PCMT1: variants seen among roughly 807,000 people sequenced by gnomAD.
PCMT1 encodes the protein protein-L-isoaspartate(D-aspartate) O-methyltransferase.
In PCMT1, 9 loss-of-function variants were observed where a neutral mutation model predicts 29.2. That is an observed-to-expected ratio of 0.31 (90% CI 0.19 to 0.54). The LOEUF (loss-of-function observed/expected upper bound fraction) is 0.54. Ranked by LOEUF, PCMT1 falls within the 20% of genes least tolerant of loss-of-function variation. The probability of loss-of-function intolerance (pLI) is 0.95; values close to 1 mark genes in which losing one functional copy is unlikely to be tolerated. For synonymous variants in PCMT1, 98 were observed against 97.5 expected, an observed-to-expected ratio of 1.00 and a Z score of -0.03; for missense variants, 184 against 282.2, an observed-to-expected ratio of 0.65 and a Z score of 2.49.
chr6:149,785,509 C>G (rs900350087), intron 3 of PCMT1, among the ~76,000 whole-genome samples: 1 of 151,008 alleles, frequency 6.6e-6, no homozygotes, highest in Admixed American at 6.6e-5. Context: ...AGCAGATAAA[C>G]AAGTGAACAA....
At position 149,786,386 on chromosome 6, in the gene PCMT1, C is replaced by G. The variant is rs1352217282; in HGVS notation, c.193-3568C>G. Among the ~76,000 whole-genome samples the G allele has an allele frequency of 2.4e-4, 31 of 129,978 alleles. 4 individuals carry two copies. The highest frequency in any genetic ancestry group is 4.7e-4 in the Non-Finnish European group (29 of 61,800). The allele number at this position is 129,978 out of a possible 152,430, so 85.3% of individuals were successfully genotyped here. A position where few individuals can be genotyped will look rare whatever the true frequency, so the allele number is the denominator to read the frequency against. On this transcript the variant is annotated intron_variant, in intron 3 of 7. Coordinates refer to ENST00000464889, the MANE Select transcript of PCMT1 (RefSeq NM_001360452.2). ...GGGGGCTGACCCCCCCACCTCCCTC[C>G]CGGACGGGGTGGCTGGCCGGGCGGG...
chr6:149,788,609 G>C (rs1788220709), intron 3 of PCMT1, among the ~76,000 whole-genome samples: 1 of 152,176 alleles, frequency 6.6e-6, no homozygotes, highest in Admixed American at 6.5e-5. Context: ...CTTAGCAGAG[G>C]CATTTGATGT....
At position 149,771,048 on chromosome 6, in the gene PCMT1, C is replaced by T. The variant is rs1379531173; in HGVS notation, c.56-114C>T. The T allele has an allele frequency of 9.0e-6, 5 of 556,548 alleles. No individual in the cohort carries two copies. The East Asian group carries it at 1.3e-4, about 14-fold the overall frequency. The allele number at this position is 556,548 out of a possible 1,614,324, so 34.5% of individuals were successfully genotyped here. A position where few individuals can be genotyped will look rare whatever the true frequency, so the allele number is the denominator to read the frequency against. On this transcript the variant is annotated intron_variant, in intron 1 of 7. Transcript: ENST00000464889. Reference sequence around the variant, plus strand: ...GCCATTACCTGGGCCATTACAACAACTTCCAATCATTCTCTCTTCCAGTTC... The same window carrying T: ...GCCATTACCTGGGCCATTACAACAATTTCCAATCATTCTCTCTTCCAGTTC...
chr6:149,749,746 G>GGCGGCA lies in PCMT1; in HGVS notation c.-150_-145dup, dbSNP rs779954090. 13 of 1,544,756 alleles carry GGCGGCA rather than the reference G, an allele frequency of 8.4e-6. No individual in the cohort carries two copies. Among genetic ancestry groups the GGCGGCA allele is most frequent in the Admixed American group, 5.9e-5 (3 of 50,832 alleles). On this transcript the variant is annotated 5_prime_UTR_variant, in exon 1 of 8. Coordinates refer to ENST00000464889, the MANE Select transcript of PCMT1 (RefSeq NM_001360452.2). ...GCGGGGGATGCCGGGAGCGCGCAGT[G>GGCGGCA]GCGGCAGCGGCGGCGACGGCAGTAA... is the stretch of plus-strand genomic sequence containing the variant.
At chr6:149,779,722 A>G (rs982715570) in intron 3 of PCMT1, among the ~76,000 whole-genome samples, 5 of 152,130 alleles carry the variant, frequency 3.3e-5, no homozygotes, top group Admixed American at 2.0e-4. Flanking sequence ...AGACAAGAGA[A>G]TCACTTGGAC....
chr6:149,799,677 A>G (rs140728125), intron 6 of PCMT1, among the ~76,000 whole-genome samples: 1 of 152,156 alleles, frequency 6.6e-6, no homozygotes, highest in African/African-American at 2.4e-5. Flanking sequence ...AGTAGGAAAA[A>G]CCAAAAGAGG....
chr6:149,767,275 T>G (rs1039686636), intron 1 of PCMT1, among the ~76,000 whole-genome samples: 8 of 150,334 alleles, frequency 5.3e-5, no homozygotes, highest in Non-Finnish European at 1.0e-4. Flanking sequence ...TTTTTTCTGC[T>G]GCTCTTCAAC....
chr6:149,756,105 G>A (rs1786492140), intron 1 of PCMT1, among the ~76,000 whole-genome samples: 1 of 152,160 alleles, frequency 6.6e-6, no homozygotes, highest in Admixed American at 6.6e-5. Context: ...TGGTGAGTGA[G>A]TGAGCAGCCA....
At chr6:149,760,549 A>G (rs1419469560) in intron 1 of PCMT1, among the ~76,000 whole-genome samples, 1 of 152,020 alleles carries the variant, frequency 6.6e-6, no homozygotes, top group African/African-American at 2.4e-5. Context: ...GAAAACACCC[A>G]TTCCTTTTAA....
In PCMT1 at chr6:149,763,169, CTATGATATATATCTATGATATCTA is replaced by C. The variant is rs1786913136; in HGVS notation, c.56-7991_56-7968del. On this transcript the variant is annotated intron_variant, in intron 1 of 7. Coordinates refer to ENST00000464889, the MANE Select transcript of PCMT1 (RefSeq NM_001360452.2). The stretch of plus-strand genomic sequence containing the variant: ...TATCTATGATATATATCTATGATAT[CTATGATATATATCTATGATATCTA>C]TGATATATATATCTATGATATCTAT... Among the ~76,000 whole-genome samples the C allele has an allele frequency of 4.8e-5, 2 of 41,282 alleles. 1 individual carries two copies. The highest frequency in any genetic ancestry group is 4.9e-3 in the East Asian group (2 of 406). The allele number at this position is 41,282 out of a possible 152,430, so 27.1% of individuals were successfully genotyped here.
In PCMT1 at chr6:149,786,289, C is replaced by CCGG. The variant is rs1317564381; in HGVS notation, c.193-3665_193-3664insCGG. On this transcript the variant is annotated intron_variant, in intron 3 of 7. Coordinates refer to ENST00000464889, the MANE Select transcript of PCMT1 (RefSeq NM_001360452.2). ...GGTGCTGACCCCCCCCACCTCCCTC[C>CCGG]AGGACGGGGCGGCTGGCCGGGCGGG... 4.6e-3 allele frequency among the ~76,000 whole-genome samples: 229 copies of CCGG among 50,262 alleles called. 112 individuals carry two copies. In the East Asian group the frequency reaches 0.062, roughly 14 times the overall value. The allele number at this position is 50,262 out of a possible 152,430, so 33.0% of individuals were successfully genotyped here.
chr6:149,808,828 A>G (rs556165580), intron 7 of PCMT1, among the ~76,000 whole-genome samples: 41 of 151,726 alleles, frequency 2.7e-4, no homozygotes, highest in East Asian at 9.8e-4. Flanking sequence ...AGTAGAGACG[A>G]GGTTTCACCA....
chr6:149,754,566 A>G (rs1786444759), intron 1 of PCMT1, among the ~76,000 whole-genome samples: 1 of 152,194 alleles, frequency 6.6e-6, no homozygotes, highest in Admixed American at 6.5e-5. Flanking sequence ...CAAATGCTAT[A>G]GAGTAGTCCC....
At chr6:149,787,493 G>A (rs1009678196) in intron 3 of PCMT1, among the ~76,000 whole-genome samples, 1 of 151,674 alleles carries the variant, frequency 6.6e-6, no homozygotes, top group South Asian at 2.1e-4. Flanking sequence ...CAGCTTCCCA[G>A]TAGCTGGGAT....
At chr6:149,802,563 T>C in intron 7 of PCMT1, 147 bp downstream of exon 7, 1 of 1,182,876 alleles carries the variant, frequency 8.5e-7, no homozygotes, top group Non-Finnish European at 1.1e-6. Flanking sequence ...GTTTAACATA[T>C]ATATCTTTGG....
intron 5 of PCMT1, among the ~76,000 whole-genome samples, chr6:149,794,148 C>A (rs1203667259): frequency 1.3e-5 from 2 of 152,072 alleles, no homozygotes; most frequent in African/African-American, 4.8e-5. Flanking sequence ...TACTCTGAGA[C>A]CATGAAGATA....
chr6:149,752,476 G>A (rs1383951723), intron 1 of PCMT1, among the ~76,000 whole-genome samples: 2 of 152,070 alleles, frequency 1.3e-5, no homozygotes, highest in Non-Finnish European at 2.9e-5. Context: ...TTGAATTACA[G>A]GTGTGAGCCA....
At chr6:149,767,818 A>G (rs1003164637) in intron 1 of PCMT1, among the ~76,000 whole-genome samples, 2 of 143,320 alleles carry the variant, frequency 1.4e-5, no homozygotes, top group Non-Finnish European at 3.0e-5. Context: ...TTTTGAGATG[A>G]CGTCTTGCTC....
intron 4 of PCMT1, among the ~76,000 whole-genome samples, chr6:149,792,213 G>C (rs1788399265): frequency 6.6e-6 from 1 of 152,112 alleles, no homozygotes; most frequent in Admixed American, 6.5e-5. Flanking sequence ...TATTTGGGAG[G>C]CTGAGGCAGG....
Sources: allele counts gnomAD v4.1 joint callset (sites outside exome capture counted in the v4.1 genomes callset), GRCh38; gene constraint gnomAD v4.1.1; transcripts MANE v1.5; gene names NCBI Gene and HGNC (gene_info 2026-07-23, HGNC 2026-07-21).